Variants in SCAF4 observed in about 807,000 individuals in gnomAD.
The protein encoded by SCAF4 is SR-related CTD associated factor 4, also known as SR-related and CTD-associated factor 4.
Under a neutral mutation model 129.8 loss-of-function variants are expected in SCAF4, and 25 were observed. That is an observed-to-expected ratio of 0.19 (90% CI 0.14 to 0.27). SCAF4 has a LOEUF of 0.27. Ranked by LOEUF, SCAF4 falls within the 10% of genes least tolerant of loss-of-function variation. The pLI is 1.00. For synonymous variants in SCAF4, 551 were observed against 497.7 expected (o/e 1.11, Z -1.43); for missense variants, 1,246 against 1,457.1 (o/e 0.86, Z 2.36).
At chr21:31,700,281 A>G (rs2050493315) in intron 7 of SCAF4, among the ~76,000 whole-genome samples, 1 of 151,386 alleles carries the variant, frequency 6.6e-6, no homozygotes. Flanking sequence ...TATTAAAAAT[A>G]AATAAACACA....
chr21:31,699,502 GTT>G (rs202121304), intron 7 of SCAF4, among the ~76,000 whole-genome samples: 13,421 of 133,928 alleles, frequency 0.1, 983 homozygotes, highest in African/African-American at 0.25. Flanking sequence ...TGTATTATTT[GTT>G]TTTTTTTTTT....
At chr21:31,721,791 A>G (rs543343899) in intron 1 of SCAF4, among the ~76,000 whole-genome samples, 15 of 151,136 alleles carry the variant, frequency 9.9e-5, no homozygotes, top group Non-Finnish European at 1.9e-4. Flanking sequence ...CACAGGCACA[A>G]TCTCGGCTCC....
intron 19 of SCAF4, among the ~76,000 whole-genome samples, chr21:31,681,365 T>C (rs911398999): frequency 2.0e-5 from 3 of 152,176 alleles, no homozygotes; most frequent in African/African-American, 7.2e-5. Flanking sequence ...CAAACAAACA[T>C]TTTTTTGTGT....
intron 16 of SCAF4, among the ~76,000 whole-genome samples, 193 bp downstream of exon 16, chr21:31,688,114 C>CAAA (rs61592268): frequency 0.056 from 609 of 10,898 alleles, 167 homozygotes; most frequent in East Asian, 0.072. Context: ...GACTCTGTCT[C>CAAA]AAAAAAAAAA....
Position 31,692,037 on chromosome 21 carries a change from A to G in SCAF4, c.1615-107T>C, listed in dbSNP as rs2050272248. The G allele has an allele frequency of 9.6e-6, 6 of 625,452 alleles. 1 individual carries two copies. In the Admixed American group the frequency reaches 1.2e-4, roughly 13 times the overall value. 38.7% of individuals were successfully genotyped at this position (625,452 alleles called of 1,614,324 possible). On this transcript the variant is annotated intron_variant, in intron 13 of 19. Transcript: ENST00000286835. ...AATCCCATCCCTCACCCCATGCTATATAATGTAAGGTTAAATTCATTTCTA... is the reference window on the plus strand; with the variant it reads ...AATCCCATCCCTCACCCCATGCTATGTAATGTAAGGTTAAATTCATTTCTA...
intron 19 of SCAF4, among the ~76,000 whole-genome samples, chr21:31,676,889 CATA>C (rs902304878): frequency 3.3e-5 from 5 of 152,230 alleles, no homozygotes; most frequent in East Asian, 1.9e-4. Flanking sequence ...CAAGCAACCA[CATA>C]ATGTTTTCTG....
At chr21:31,717,706 T>A (rs943264475) in intron 1 of SCAF4, among the ~76,000 whole-genome samples, 17 of 151,246 alleles carry the variant, frequency 1.1e-4, no homozygotes, top group Non-Finnish European at 2.5e-4. Context: ...AATTTTTAAA[T>A]TAAAAAATTA....
intron 1 of SCAF4, among the ~76,000 whole-genome samples, chr21:31,710,030 A>C (rs1601247903): frequency 6.6e-6 from 1 of 151,978 alleles, no homozygotes; most frequent in East Asian, 1.9e-4. Flanking sequence ...AAAGGAATAT[A>C]GGGGGAAAAA....
At chr21:31,679,869 T>TTAC in intron 19 of SCAF4, among the ~76,000 whole-genome samples, 1 of 152,354 alleles carries the variant, frequency 6.6e-6, no homozygotes, top group South Asian at 2.1e-4. Context: ...TCAGTTAGCA[T>TTAC]AATAATAATT....
chr21:31,679,266 C>T (rs1265483931), intron 19 of SCAF4, among the ~76,000 whole-genome samples: 2 of 152,142 alleles, frequency 1.3e-5, no homozygotes, highest in African/African-American at 2.4e-5. Flanking sequence ...ACTTTTCCCA[C>T]ATGAAGAAAA....
chr21:31,725,433 A>T (rs2051178326), intron 1 of SCAF4, among the ~76,000 whole-genome samples: 1 of 152,222 alleles, frequency 6.6e-6, no homozygotes, highest in Admixed American at 6.5e-5. Flanking sequence ...GAATAACATG[A>T]TTGACAGCCC....
At chr21:31,692,809 C>CAG (rs2050291098) in intron 12 of SCAF4, among the ~76,000 whole-genome samples, 5 of 152,162 alleles carry the variant, frequency 3.3e-5, no homozygotes, top group Admixed American at 3.3e-4. Context: ...CCAACCAGCT[C>CAG]AGTGCTTTGT....
chr21:31,691,295 T>C (rs1043186080), intron 14 of SCAF4, among the ~76,000 whole-genome samples: 2 of 152,192 alleles, frequency 1.3e-5, no homozygotes, highest in African/African-American at 4.8e-5. Context: ...TTTCCAAGTC[T>C]AGGGGTGCCT....
In SCAF4 at chr21:31,671,221, A is replaced by AT. The variant is rs1418984819; in HGVS notation, c.*177dup. On this transcript the variant is annotated 3_prime_UTR_variant, in exon 20 of 20. Transcript: ENST00000286835. ...GGTAATATTTATTCATATTTTCAGT[A>AT]TTTTTTGTTATTTTGTGGCTATTTT... 3.8e-6 allele frequency: 2 copies of AT among 524,256 alleles called. No individual in the cohort carries two copies. The highest frequency in any genetic ancestry group is 7.3e-5 in the Admixed American group (2 of 27,260). The allele number at this position is 524,256 out of a possible 1,614,324, so 32.5% of individuals were successfully genotyped here.
intron 1 of SCAF4, among the ~76,000 whole-genome samples, chr21:31,717,707 TA>T (rs1169747197): frequency 3.3e-5 from 5 of 150,292 alleles, no homozygotes; most frequent in African/African-American, 9.8e-5. Context: ...ATTTTTAAAT[TA>T]AAAAATTAAA....
At chr21:31,674,562 T>C (rs1420366172) in intron 19 of SCAF4, among the ~76,000 whole-genome samples, 5 of 152,210 alleles carry the variant, frequency 3.3e-5, no homozygotes, top group Admixed American at 6.5e-5. Flanking sequence ...TATTCCCTTT[T>C]GCAGTGAACA....
At chr21:31,706,382 A>G (rs1180020230) in intron 1 of SCAF4, 25 bp from the exon 2 acceptor site, 2 of 1,493,250 alleles carry the variant, frequency 1.3e-6, no homozygotes, top group Non-Finnish European at 1.8e-6. Context: ...AACAAACAAA[A>G]AGTAAAGTTT....
At chr21:31,726,962 G>A (rs1488551703) in intron 1 of SCAF4, among the ~76,000 whole-genome samples, 1 of 152,114 alleles carries the variant, frequency 6.6e-6, no homozygotes, top group Non-Finnish European at 1.5e-5. Flanking sequence ...TGGGAGGAGG[G>A]TTGGGGTTGG....
chr21:31,712,335 AG>A (rs1229956053), intron 1 of SCAF4, among the ~76,000 whole-genome samples: 2 of 150,040 alleles, frequency 1.3e-5, no homozygotes, highest in Non-Finnish European at 3.0e-5. Flanking sequence ...CTCATGCCTC[AG>A]CCTCCTGAGT....
Sources: allele counts gnomAD v4.1 joint callset (sites outside exome capture counted in the v4.1 genomes callset), GRCh38; gene constraint gnomAD v4.1.1; transcripts MANE v1.5; gene names NCBI Gene and HGNC (gene_info 2026-07-23, HGNC 2026-07-21).